Variants in TOX2 observed in about 807,000 individuals in gnomAD.
TOX2 encodes granulosa cell HMG box 1.
A neutral mutation model predicts 47.4 loss-of-function variants in TOX2; 15 were observed. That is an observed-to-expected ratio of 0.32 (90% CI 0.21 to 0.49). The LOEUF is 0.49. Ranked by LOEUF, TOX2 falls within the 20% of genes least tolerant of loss-of-function variation. The pLI, the probability that TOX2 is intolerant of heterozygous loss-of-function variation, is 0.99. For missense variants in TOX2, 622 were observed against 673.1 expected (o/e 0.92, Z 0.84); for synonymous variants, 290 against 296.6 (o/e 0.98, Z 0.23).
At chr20:44,047,982 G>A (rs1172465638) in intron 3 of TOX2, among the ~76,000 whole-genome samples, 1 of 152,102 alleles carries the variant, frequency 6.6e-6, no homozygotes, top group Non-Finnish European at 1.5e-5. Context: ...ATTTTGGGAG[G>A]CTGAGACGGG....
At chr20:43,943,569 G>C (rs996168962) in intron 1 of TOX2, among the ~76,000 whole-genome samples, 1 of 152,122 alleles carries the variant, frequency 6.6e-6, no homozygotes, top group Admixed American at 6.6e-5. Flanking sequence ...GTGAGGACAG[G>C]GGCAGTGTCC....
intron 1 of TOX2, among the ~76,000 whole-genome samples, chr20:43,922,561 G>A (rs191349077): frequency 2.4e-4 from 36 of 152,274 alleles, no homozygotes; most frequent in Non-Finnish European, 4.4e-4. Context: ...CAAACCTACA[G>A]GATGATTTTT....
intron 1 of TOX2, among the ~76,000 whole-genome samples, chr20:43,921,877 C>A (rs963749013): frequency 6.6e-6 from 1 of 152,178 alleles, no homozygotes; most frequent in East Asian, 1.9e-4. Flanking sequence ...ATCCCTAGAC[C>A]TGATTTTCCT....
chr20:43,939,355 G>C (rs1020072683), intron 1 of TOX2, among the ~76,000 whole-genome samples: 1 of 152,190 alleles, frequency 6.6e-6, no homozygotes, highest in African/African-American at 2.4e-5. Context: ...GGGACTGGAG[G>C]AGTTGAGTAA....
chr20:43,978,327 C>T (rs1255021581), intron 2 of TOX2, among the ~76,000 whole-genome samples: 1 of 152,148 alleles, frequency 6.6e-6, no homozygotes, highest in Non-Finnish European at 1.5e-5. Context: ...AATCTTTACT[C>T]AGCTCCTCCC....
intron 1 of TOX2, among the ~76,000 whole-genome samples, chr20:43,952,409 A>T (rs570982407): frequency 6.6e-6 from 1 of 152,114 alleles, no homozygotes; most frequent in East Asian, 1.9e-4. Context: ...TATCATAAGG[A>T]AGGCTTATTT....
At chr20:43,959,828 C>T (rs896354600) in intron 1 of TOX2, among the ~76,000 whole-genome samples, 11 of 152,228 alleles carry the variant, frequency 7.2e-5, no homozygotes, top group Non-Finnish European at 5.9e-5. Flanking sequence ...CAGCGCAGGG[C>T]AACCTGAGGC....
intron 5 of TOX2, among the ~76,000 whole-genome samples, chr20:44,063,239 G>A (rs907187508): frequency 7.2e-5 from 11 of 152,052 alleles, no homozygotes; most frequent in African/African-American, 1.7e-4. Flanking sequence ...CTATACTTTC[G>A]ACAAAGGACT....
At chr20:44,068,255 T>C (rs1034684871) in intron 8 of TOX2, among the ~76,000 whole-genome samples, 1 of 152,064 alleles carries the variant, frequency 6.6e-6, no homozygotes, top group Admixed American at 6.5e-5. Context: ...ACATCCAGCA[T>C]GGAGGTCAGA....
chr20:44,032,504 T>G (rs1600760969), intron 3 of TOX2, among the ~76,000 whole-genome samples: 3 of 148,492 alleles, frequency 2.0e-5, no homozygotes, highest in African/African-American at 2.5e-5. Context: ...CAAGTGGGGG[T>G]GGATGTGATG....
intron 1 of TOX2, among the ~76,000 whole-genome samples, chr20:43,951,931 C>G (rs2069581718): frequency 6.6e-6 from 1 of 151,768 alleles, no homozygotes; most frequent in African/African-American, 2.4e-5. Flanking sequence ...GAGTCTCGCT[C>G]TGTCGCCCAA....
chr20:43,946,119 T>A (rs559543448), intron 1 of TOX2: 1 of 1,573,668 alleles, frequency 6.4e-7, no homozygotes, highest in African/African-American at 1.3e-5. Flanking sequence ...GATGTCTGGA[T>A]GGGGGCAGGC....
intron 1 of TOX2, among the ~76,000 whole-genome samples, chr20:43,938,763 C>T (rs1299059905): frequency 2.6e-5 from 4 of 152,194 alleles, no homozygotes; most frequent in Non-Finnish European, 4.4e-5. Flanking sequence ...GGCCCAGCCA[C>T]CACATGGCAG....
intron 2 of TOX2, among the ~76,000 whole-genome samples, chr20:43,978,199 C>G (rs901476996): frequency 5.3e-5 from 8 of 152,258 alleles, no homozygotes; most frequent in African/African-American, 1.9e-4. Context: ...GAACTGTGAA[C>G]CCAGGAGAGG....
chr20:43,962,745 T>G (rs1322089090), intron 1 of TOX2, among the ~76,000 whole-genome samples: 1 of 152,196 alleles, frequency 6.6e-6, no homozygotes, highest in Non-Finnish European at 1.5e-5. Flanking sequence ...CTTCCGTCTC[T>G]GGGGTTCTGG....
At chr20:44,009,718 G>T (rs2070748191) in intron 3 of TOX2, among the ~76,000 whole-genome samples, 1 of 152,190 alleles carries the variant, frequency 6.6e-6, no homozygotes, top group Admixed American at 6.5e-5. Context: ...CTTGCTTACT[G>T]GGCTCATTTT....
Position 43,973,590 on chromosome 20 carries a change from G to A in TOX2, c.165+158G>A, listed in dbSNP as rs893827030. On this transcript the variant is annotated intron_variant, in intron 2 of 8. Coordinates refer to ENST00000341197, the MANE Select transcript of TOX2 (RefSeq NM_001098797.2). ...AGAATAGCAATAGTCTCCTTAAAAG[G>A]TACAATCAAAGTGGGACTATAGTGT... Among the ~76,000 whole-genome samples, 187 of 152,306 alleles carry A rather than the reference G, an allele frequency of 1.2e-3. 1 individual carries two copies. In the Middle Eastern group the frequency reaches 0.014, roughly 11 times the overall value.
rs544165248 is a variant in TOX2, at chr20:44,014,397, T to G, written c.411+7605T>G. Among the ~76,000 whole-genome samples the G allele has an allele frequency of 2.6e-5, 4 of 152,284 alleles. No homozygotes were observed. The East Asian group carries it at 7.7e-4, about 29-fold the overall frequency. ...GGTAGAGTCGCATCATATGAGGGTG[T>G]GCACGCAGAGAGGCAAGAATGTGTA... On this transcript the variant is annotated intron_variant, in intron 3 of 8. Coordinates refer to ENST00000341197, the MANE Select transcript of TOX2 (RefSeq NM_001098797.2).
intron 3 of TOX2, among the ~76,000 whole-genome samples, chr20:44,041,981 A>C (rs933369514): frequency 1.3e-5 from 2 of 152,262 alleles, no homozygotes; most frequent in African/African-American, 2.4e-5. Flanking sequence ...ATTTGCAATC[A>C]GGAAAGATTG....
Sources: allele counts gnomAD v4.1 joint callset (sites outside exome capture counted in the v4.1 genomes callset), GRCh38; gene constraint gnomAD v4.1.1; transcripts MANE v1.5; gene names NCBI Gene and HGNC (gene_info 2026-07-23, HGNC 2026-07-21).